The following PCDHGB5 variants were observed in gnomAD, a reference collection of about 807,000 sequenced individuals.
PCDHGB5 encodes the protein protocadherin gamma subfamily B, 5.
Under a neutral mutation model 62.9 loss-of-function variants are expected in PCDHGB5, and 48 were observed. The ratio of observed to expected loss-of-function variants is 0.76; its 90% CI spans 0.61 to 0.97. PCDHGB5 has a LOEUF of 0.97. PCDHGB5 is among the 50% of genes least tolerant of loss of function. The pLI, the probability that PCDHGB5 is intolerant of heterozygous loss-of-function variation, is 0.00. For missense variants in PCDHGB5, 1,118 were observed against 1,198.6 expected, an observed-to-expected ratio of 0.93 and a Z score of 0.99; for synonymous variants, 474 against 511.2, an observed-to-expected ratio of 0.93 and a Z score of 0.98.
Position 141,399,598 on chromosome 5 carries a change from G to A in PCDHGB5, c.1471G>A (p.Asp491Asn). The change falls in exon 1 of 4, where the codon GAC becomes AAC. Residue 491 changes from aspartate (D) to asparagine (N), a missense_variant. By Grantham distance (23) the Asp-to-Asn change is conservative. Around this residue, in one of 2 missense-constraint regions of PCDHGB5, gnomAD observed 1,034 missense variants for 1,029.1 expected, o/e 1.00. Transcript: ENST00000617380. ...GQVSYSIMAS[D>N]LEPLALASYV... is the part of the protein sequence containing the mutation. The stretch of plus-strand genomic sequence containing the variant: ...AGTCTCCTACTCTATCATGGCCAGC[G>A]ACCTAGAGCCTCTGGCACTGGCCTC... 6.2e-7 allele frequency: 1 copy of A among 1,613,964 alleles called. No individual in the cohort carries two copies. The highest frequency in any genetic ancestry group is 8.5e-7 in the Non-Finnish European group (1 of 1,179,892).
At chr5:141,508,267 C>G (rs993402135) in intron 3 of PCDHGB5, 5 of 152,336 alleles carry the variant, frequency 3.3e-5, no homozygotes, top group African/African-American at 9.6e-5. Context: ...AAGAGAAAAT[C>G]CCGGTCCTTG....
At chr5:141,440,280 A>G (rs1389627767) in intron 1 of PCDHGB5, 1 of 152,220 alleles carries the variant, frequency 6.6e-6, no homozygotes, top group East Asian at 1.9e-4. Context: ...CAGCCTGACC[A>G]ACATAGTGAA....
Position 141,486,173 on chromosome 5 carries a change from T to C in PCDHGB5, c.2398-8634T>C. 1 of 1,614,220 alleles carries C rather than the reference T, an allele frequency of 6.2e-7. No homozygotes were observed. Among genetic ancestry groups the C allele is most frequent in the Non-Finnish European group, 8.5e-7 (1 of 1,180,042 alleles). ...GGGTTCTCCAGCCATGGAGCAACATTGCAGCCTTCGAGTGGATCTGCTGGA... is the reference window on the plus strand; with the variant it reads ...GGGTTCTCCAGCCATGGAGCAACATCGCAGCCTTCGAGTGGATCTGCTGGA... On this transcript the variant is annotated intron_variant, in intron 1 of 3. Transcript: ENST00000617380. The surrounding 1 kb of genome is among the most constrained non-coding windows in gnomAD (Gnocchi z 5.0).
chr5:141,503,960 T>TTC (rs2099834474), intron 2 of PCDHGB5, among the ~76,000 whole-genome samples: 1 of 152,172 alleles, frequency 6.6e-6, no homozygotes, highest in Admixed American at 6.5e-5. Flanking sequence ...CCTACAGCCT[T>TTC]TCCCATGGTG....
At chr5:141,472,980 C>CAAAAAAAAAAAAAAAAAAAAAAAA (rs60579131) in intron 1 of PCDHGB5, among the ~76,000 whole-genome samples, 7 of 86,078 alleles carry the variant, frequency 8.1e-5, no homozygotes, top group African/African-American at 1.9e-4. Context: ...GAGTGAAACT[C>CAAAAAAAAAAAAAAAAAAAAAAAA]AAAAAAAAAA....
Position 141,494,815 on chromosome 5 carries a change from G to A in PCDHGB5, c.2406G>A (p.Pro802=), listed in dbSNP as rs765344906. 1 of 1,613,976 alleles carries A rather than the reference G, an allele frequency of 6.2e-7. No homozygotes were observed. Among genetic ancestry groups the A allele is most frequent in the South Asian group, 1.1e-5 (1 of 91,072 alleles). ...ESTSHPELQA[P]PNTDWRFSQA... The stretch of plus-strand genomic sequence containing the variant: ...CTCTGTTTTCTCCACAGCAAGCCCC[G>A]CCCAACACGGACTGGCGTTTCTCTC... The change falls in exon 2 of 4, where the codon CCG becomes CCA. Residue 802 remains proline, a synonymous_variant. Transcript: ENST00000617380.
At chr5:141,469,081 A>C (rs1451214440) in intron 1 of PCDHGB5, among the ~76,000 whole-genome samples, 1 of 151,790 alleles carries the variant, frequency 6.6e-6, no homozygotes, top group Non-Finnish European at 1.5e-5. Context: ...GTTTGAGACC[A>C]TTCTAGGCAA....
chr5:141,404,725 G>A (rs1381392805), intron 1 of PCDHGB5: 1 of 1,613,980 alleles, frequency 6.2e-7, no homozygotes, highest in Non-Finnish European at 8.5e-7. Context: ...TGACCAAGGT[G>A]GTGGCAGTGG....
Position 141,486,178 on chromosome 5 carries a change from C to A in PCDHGB5, c.2398-8629C>A, listed in dbSNP as rs767840363. On this transcript the variant is annotated intron_variant, in intron 1 of 3. Transcript: ENST00000617380. This position sits in a 1 kb window ranked among gnomAD's most constrained non-coding sequence, Gnocchi z 5.0. ...CTCCAGCCATGGAGCAACATTGCAG[C>A]CTTCGAGTGGATCTGCTGGACGTAA... 1.2e-6 allele frequency: 2 copies of A among 1,614,194 alleles called. No homozygotes were observed. The highest frequency in any genetic ancestry group is 2.2e-5 in the East Asian group (1 of 44,882).
chr5:141,413,760 C>G (rs778067298), intron 1 of PCDHGB5: 2 of 1,613,250 alleles, frequency 1.2e-6, no homozygotes, highest in African/African-American at 2.7e-5. Context: ...GCGTCAAGTA[C>G]CCGGAGCTGG....
intron 1 of PCDHGB5, chr5:141,403,389 C>A (rs764725441): frequency 1.9e-6 from 3 of 1,614,050 alleles, no homozygotes; most frequent in Non-Finnish European, 2.5e-6. Flanking sequence ...AACGAAATCG[C>A]GGTTCCTGGA....
intron 1 of PCDHGB5, chr5:141,419,126 G>A: frequency 6.2e-7 from 1 of 1,613,770 alleles, no homozygotes; most frequent in Non-Finnish European, 8.5e-7. Context: ...CGTCACCATC[G>A]CAGCCACAGA....
chr5:141,419,315 C>A lies in PCDHGB5; in HGVS notation c.2397+18791C>A, dbSNP rs2096357855. ...TGACCCAGACTTCGGGCTCAACGGC[C>A]GTGTCTCCTACTCTCTCATTGCCAG... On this transcript the variant is annotated intron_variant, in intron 1 of 3. Transcript: ENST00000617380. 3 of 1,613,880 alleles carry A rather than the reference C, an allele frequency of 1.9e-6. No homozygotes were observed. Among genetic ancestry groups the A allele is most frequent in the Non-Finnish European group, 2.5e-6 (3 of 1,179,910 alleles).
chr5:141,438,983 T>C (rs1296267457), intron 1 of PCDHGB5, among the ~76,000 whole-genome samples: 1 of 151,930 alleles, frequency 6.6e-6, no homozygotes, highest in Non-Finnish European at 1.5e-5. Context: ...TGACTTATCT[T>C]AAAAGGCTAA....
At position 141,486,364 on chromosome 5, in the gene PCDHGB5, C is replaced by T; in HGVS notation, c.2398-8443C>T. 1 of 1,614,068 alleles carries T rather than the reference C, an allele frequency of 6.2e-7. No homozygotes were observed. The highest frequency in any genetic ancestry group is 1.1e-5 in the South Asian group (1 of 91,074). On this transcript the variant is annotated intron_variant, in intron 1 of 3. Transcript: ENST00000617380. The surrounding 1 kb of genome is among the most constrained non-coding windows in gnomAD (Gnocchi z 5.0). ...TTCCTGACCACTTGCCATTTGCCCT[C>T]AAGTCTGCCTTCAGGAACCAGTTCT...
rs1168771567 is a variant in PCDHGB5 at position 141,398,057 on chromosome 5, A to T, written c.-71A>T. On this transcript the variant is annotated 5_prime_UTR_variant, in exon 1 of 4. Coordinates refer to ENST00000617380, the MANE Select transcript of PCDHGB5 (RefSeq NM_018925.3). ...CTAAAGCCCGTTCGGAGATCCAAAAATCTACAATACAGAGGTTATTTGTAA... is the reference window on the plus strand; with the variant it reads ...CTAAAGCCCGTTCGGAGATCCAAAATTCTACAATACAGAGGTTATTTGTAA... 9 of 1,524,504 alleles carry T rather than the reference A, an allele frequency of 5.9e-6. No individual in the cohort carries two copies. In the South Asian group the frequency reaches 1.1e-4, roughly 19 times the overall value. 94.4% of individuals were successfully genotyped at this position (1,524,504 alleles called of 1,614,324 possible). A position where few individuals can be genotyped will look rare whatever the true frequency, so the allele number is the denominator to read the frequency against.
At chr5:141,508,983 C>T (rs532410967) in intron 3 of PCDHGB5, among the ~76,000 whole-genome samples, 44 of 152,148 alleles carry the variant, frequency 2.9e-4, no homozygotes, top group Non-Finnish European at 4.4e-4. Flanking sequence ...GGGGTGGGGG[C>T]CAGCTGGGGT....
Position 141,487,665 on chromosome 5 carries a change from G to T in PCDHGB5, c.2398-7142G>T, listed in dbSNP as rs373971935. 8.7e-5 allele frequency: 141 copies of T among 1,612,724 alleles called. No individual in the cohort carries two copies. The highest frequency in any genetic ancestry group is 1.1e-4 in the Non-Finnish European group (135 of 1,179,392). On this transcript the variant is annotated intron_variant, in intron 1 of 3. Coordinates refer to ENST00000617380, the MANE Select transcript of PCDHGB5 (RefSeq NM_018925.3). The surrounding 1 kb of genome is among the most constrained non-coding windows in gnomAD (Gnocchi z 5.0). ...ATGCTTGAGGGTTATTCTGATCCAG[G>T]CATATGGCTAGGCCATGTCCTAGAG...
intron 1 of PCDHGB5, chr5:141,441,477 C>T (rs529495102): frequency 1.2e-4 from 20 of 170,782 alleles, no homozygotes; most frequent in Middle Eastern, 5.7e-4. Context: ...ATGCCAACGA[C>T]AATGCTCTGG....
Sources: allele counts gnomAD v4.1 joint callset (sites outside exome capture counted in the v4.1 genomes callset), GRCh38; gene constraint gnomAD v4.1.1; regional missense constraint gnomAD v4.1.1; non-coding constraint Gnocchi (gnomAD v3.1); transcripts MANE v1.5; gene names NCBI Gene and HGNC (gene_info 2026-07-23, HGNC 2026-07-21).